The following SUCLG2 variants were observed in gnomAD, a reference collection of about 807,000 sequenced individuals.
SUCLG2 encodes the protein succinate--CoA ligase [GDP-forming] subunit beta, mitochondrial.
Under a neutral mutation model 47.9 loss-of-function variants are expected in SUCLG2, and 42 were observed. The ratio of observed to expected loss-of-function variants is 0.88; its 90% CI spans 0.69 to 1.14. The LOEUF (loss-of-function observed/expected upper bound fraction) is 1.14, where lower values mean the gene tolerates loss of function less well. Ranked by LOEUF, SUCLG2 falls within the 50% of genes most tolerant of loss-of-function variation. The pLI is 0.00. For synonymous variants in SUCLG2, 195 were observed against 197.3 expected (o/e 0.99, Z 0.10); for missense variants, 571 against 525.9 (o/e 1.09, Z -0.84).
At chr3:67,630,779 G>C (rs560071943) in intron 1 of SUCLG2, among the ~76,000 whole-genome samples, 2 of 152,232 alleles carry the variant, frequency 1.3e-5, no homozygotes, top group Admixed American at 6.5e-5. Context: ...ATCAACAGGA[G>C]TTGAAATACA....
intron 1 of SUCLG2, among the ~76,000 whole-genome samples, chr3:67,639,758 C>A (rs1701068084): frequency 1.3e-5 from 2 of 152,246 alleles, no homozygotes; most frequent in African/African-American, 4.8e-5. Context: ...CTTCTCTAAA[C>A]CCCTTTGAGT....
chr3:67,609,582 G>A lies in SUCLG2; in HGVS notation c.99C>T (p.Thr33=). ...CCTGCAGGTTCAGCCATCTTCTGGA[G>A]GTTAATTGAACTGCCTACAGAAATT... ...LAAGSQAVQL[T]SRRWLNLQEY... Residue 33 remains threonine, a synonymous_variant, in exon 2 of 11, where the codon ACC becomes ACT. Coordinates refer to ENST00000307227, the MANE Select transcript of SUCLG2 (RefSeq NM_003848.4). The A allele has an allele frequency of 6.2e-7, 1 of 1,613,476 alleles. No homozygotes were observed. The highest frequency in any genetic ancestry group is 8.5e-7 in the Non-Finnish European group (1 of 1,179,792).
chr3:67,649,492 C>T (rs1313122556), intron 1 of SUCLG2, among the ~76,000 whole-genome samples: 2 of 151,962 alleles, frequency 1.3e-5, no homozygotes, highest in South Asian at 2.1e-4. Flanking sequence ...TTTCTGAAGC[C>T]CCATTTAGAC....
In SUCLG2 at chr3:67,429,999, T is replaced by C. The variant is rs188064324; in HGVS notation, c.1063-29148A>G. On this transcript the variant is annotated intron_variant, in intron 9 of 10. Transcript: ENST00000307227. Reference sequence around the variant, plus strand: ...GACTTAGACTCCCACACAATAATAATGGGAGACTTTAACACCCCACTATCA... The same window carrying C: ...GACTTAGACTCCCACACAATAATAACGGGAGACTTTAACACCCCACTATCA... 9.9e-5 allele frequency among the ~76,000 whole-genome samples: 15 copies of C among 152,170 alleles called. No homozygotes were observed. In the East Asian group the frequency reaches 2.7e-3, roughly 27 times the overall value.
chr3:67,508,856 A>G lies in SUCLG2; in HGVS notation c.708T>C (p.Asp236=). The change falls in exon 7 of 11, where the codon GAT becomes GAC. Residue 236 remains aspartate (D), a synonymous_variant. Coordinates refer to ENST00000307227, the MANE Select transcript of SUCLG2 (RefSeq NM_003848.4). ...TKLYNLFLKI[D]ATQVEVNPFG... ...AGGGATTCACTTCCACCTGAGTAGC[A>G]TCAATTTTCAGGAAGAGATTATACA... 6.2e-7 allele frequency: 1 copy of G among 1,612,394 alleles called. No homozygotes were observed. Among genetic ancestry groups the G allele is most frequent in the South Asian group, 1.1e-5 (1 of 90,490 alleles).
intron 2 of SUCLG2, among the ~76,000 whole-genome samples, chr3:67,549,652 A>G (rs1706958629): frequency 6.6e-6 from 1 of 152,204 alleles, no homozygotes; most frequent in Admixed American, 6.5e-5. Flanking sequence ...TTTCAAATTT[A>G]AATAAAAGAT....
intron 4 of SUCLG2, among the ~76,000 whole-genome samples, chr3:67,527,833 G>A (rs975322399): frequency 1.4e-4 from 21 of 152,118 alleles, no homozygotes; most frequent in African/African-American, 4.8e-4. Context: ...CACAGCAAGC[G>A]CTTCTCAACT....
At chr3:67,430,339 C>T (rs1399216091) in intron 9 of SUCLG2, among the ~76,000 whole-genome samples, 1 of 152,154 alleles carries the variant, frequency 6.6e-6, no homozygotes, top group Non-Finnish European at 1.5e-5. Context: ...ACAACCTGCT[C>T]CTGAGTGGCT....
chr3:67,538,633 T>A (rs1706613579), intron 2 of SUCLG2, among the ~76,000 whole-genome samples: 1 of 152,226 alleles, frequency 6.6e-6, no homozygotes, highest in African/African-American at 2.4e-5. Context: ...GCATTCAATC[T>A]ATAAATTACT....
chr3:67,440,289 C>T (rs1703728088), intron 9 of SUCLG2, among the ~76,000 whole-genome samples: 1 of 152,094 alleles, frequency 6.6e-6, no homozygotes, highest in African/African-American at 2.4e-5. Context: ...TAGAAGAAAA[C>T]CTAGGCAATA....
intron 2 of SUCLG2, among the ~76,000 whole-genome samples, chr3:67,534,305 T>C (rs1259350871): frequency 6.6e-6 from 1 of 152,194 alleles, no homozygotes; most frequent in African/African-American, 2.4e-5. Flanking sequence ...AGTTTGATTA[T>C]TTAAAAATGA....
chr3:67,439,238 C>G (rs771542301), intron 9 of SUCLG2, among the ~76,000 whole-genome samples: 4 of 152,152 alleles, frequency 2.6e-5, no homozygotes, highest in Non-Finnish European at 4.4e-5. Context: ...GAACATATCG[C>G]AAAATAATAA....
intron 9 of SUCLG2, among the ~76,000 whole-genome samples, chr3:67,455,686 GA>G (rs1238098643): frequency 1.0e-4 from 15 of 148,706 alleles, no homozygotes; most frequent in East Asian, 3.9e-4. Flanking sequence ...CTGGGTGGAG[GA>G]AAAAAAAAAC....
chr3:67,361,555 T>C (rs1215588369), intron 10 of SUCLG2, among the ~76,000 whole-genome samples: 1 of 152,200 alleles, frequency 6.6e-6, no homozygotes, highest in Non-Finnish European at 1.5e-5. Flanking sequence ...GACAGATTTC[T>C]ACCCTCGACT....
At chr3:67,653,234 C>T (rs1013778171) in intron 1 of SUCLG2, among the ~76,000 whole-genome samples, 7 of 152,192 alleles carry the variant, frequency 4.6e-5, no homozygotes, top group Non-Finnish European at 1.5e-5. Context: ...TTTTCTAACA[C>T]TTAAATAATG....
intron 9 of SUCLG2, among the ~76,000 whole-genome samples, chr3:67,440,054 C>A (rs112363249): frequency 0.045 from 6,845 of 152,136 alleles, 275 homozygotes; most frequent in East Asian, 0.14. Flanking sequence ...TGGAATAGAA[C>A]AAAGCCCTCA....
rs1262368841 is a variant in SUCLG2 at position 67,467,007 on chromosome 3, G to A, written c.1062+28791C>T. Among the ~76,000 whole-genome samples, 3 of 152,208 alleles carry A rather than the reference G, an allele frequency of 2.0e-5. No homozygotes were observed. In the East Asian group the frequency reaches 5.8e-4, roughly 29 times the overall value. ...CAATAGAACATTTAGATACAAGTCA[G>A]GATTCTGACAAGTAGGAATATTTAA... is the stretch of plus-strand genomic sequence containing the variant. On this transcript the variant is annotated intron_variant, in intron 9 of 10. Transcript: ENST00000307227.
In SUCLG2 at chr3:67,518,338, T is replaced by G; in HGVS notation, c.571-2A>C. On this transcript the variant is annotated splice_acceptor_variant, in intron 5 of 10. Transcript: ENST00000307227. LOFTEE classifies it high-confidence loss of function. ...TCCTTCAAAAATGTCAATTTGCTCC[T>G]AGTAAAAATAAATCAAATAAACAAA... 1 of 1,604,032 alleles carries G rather than the reference T, an allele frequency of 6.2e-7. No homozygotes were observed. Among genetic ancestry groups the G allele is most frequent in the South Asian group, 1.1e-5 (1 of 89,394 alleles).
chr3:67,624,285 G>A (rs999606800), intron 1 of SUCLG2, among the ~76,000 whole-genome samples: 12 of 152,128 alleles, frequency 7.9e-5, no homozygotes, highest in African/African-American at 1.2e-4. Context: ...AGCGACCTTC[G>A]CTGGGGAAAT....
Sources: gnomAD v4.1 joint callset for allele counts (sites outside exome capture counted in the v4.1 genomes callset) on GRCh38, gnomAD v4.1.1 for gene constraint, MANE v1.5 for transcripts, NCBI Gene and HGNC (gene_info 2026-07-23, HGNC 2026-07-21) for gene names.